FAM114A1: variants seen among roughly 807,000 people sequenced by gnomAD.
FAM114A1 encodes the protein family with sequence similarity 114 member A1, also known as protein NOXP20.
Under a neutral mutation model 64.3 loss-of-function variants are expected in FAM114A1, and 62 were observed. The ratio of observed to expected loss-of-function variants is 0.96; its 90% CI spans 0.79 to 1.19. FAM114A1 has a LOEUF of 1.19. FAM114A1 is among the 50% of genes most tolerant of loss of function. FAM114A1 has a pLI of 0.00. For missense variants in FAM114A1, 645 were observed against 676.3 expected (o/e 0.95, Z 0.51); for synonymous variants, 254 against 251.1 (o/e 1.01, Z -0.11).
In FAM114A1 at chr4:38,922,890, C is replaced by A. The variant is rs765085435; in HGVS notation, c.1066C>A (p.Gln356Lys). Residue 356 changes from glutamine (Q) to lysine (K), a missense_variant, in exon 9 of 15, where the codon CAA becomes AAA. Gln to Lys is a moderately conservative substitution (Grantham distance 53). Coordinates refer to ENST00000358869, the MANE Select transcript of FAM114A1 (RefSeq NM_138389.4). Reference sequence around the variant, plus strand: ...AGAGAATGAAGAAAATCAAGAAGAACAAGGTAAAGGAAAATAACTTAAATA... The same window carrying A: ...AGAGAATGAAGAAAATCAAGAAGAAAAAGGTAAAGGAAAATAACTTAAATA... Reference protein sequence around the residue: ...ELENEENQEEQGLEEKGEEFA... With the variant: ...ELENEENQEEKGLEEKGEEFA... The A allele has an allele frequency of 6.2e-7, 1 of 1,607,374 alleles. No individual in the cohort carries two copies.
intron 8 of FAM114A1, among the ~76,000 whole-genome samples, chr4:38,922,055 C>T (rs1719647731): frequency 6.6e-6 from 1 of 152,186 alleles, no homozygotes; most frequent in Admixed American, 6.5e-5. Context: ...GATTCTCCTG[C>T]CTCAGCCTCC....
intron 14 of FAM114A1, among the ~76,000 whole-genome samples, chr4:38,941,404 C>G (rs1721569068): frequency 6.6e-6 from 1 of 152,156 alleles, no homozygotes; most frequent in African/African-American, 2.4e-5. Flanking sequence ...TTTAGAATAA[C>G]CTTTGGTTTA....
intron 6 of FAM114A1, among the ~76,000 whole-genome samples, chr4:38,907,724 A>G (rs750103010): frequency 6.6e-6 from 1 of 152,206 alleles, no homozygotes; most frequent in African/African-American, 2.4e-5. Context: ...TGGAAAATGC[A>G]TATCAGTAAT....
chr4:38,939,524 G>A (rs556563529), intron 13 of FAM114A1, among the ~76,000 whole-genome samples: 74 of 152,150 alleles, frequency 4.9e-4, no homozygotes, highest in African/African-American at 1.6e-3. Context: ...AAACATGAAA[G>A]CAAATACCAT....
chr4:38,877,292 A>G (rs141345368), intron 2 of FAM114A1, among the ~76,000 whole-genome samples: 30 of 152,208 alleles, frequency 2.0e-4, no homozygotes, highest in African/African-American at 6.0e-4. Context: ...TAATTATACA[A>G]CTCACCACAA....
At chr4:38,901,145 G>C (rs1000909759) in intron 4 of FAM114A1, among the ~76,000 whole-genome samples, 5 of 152,102 alleles carry the variant, frequency 3.3e-5, no homozygotes, top group Non-Finnish European at 5.9e-5. Context: ...AGTTAGCGTG[G>C]GCCCTTCTCG....
intron 13 of FAM114A1, among the ~76,000 whole-genome samples, chr4:38,940,614 T>G: frequency 6.6e-6 from 1 of 152,226 alleles, no homozygotes; most frequent in East Asian, 1.9e-4. Flanking sequence ...TCAACCTGCC[T>G]CACTTCACTC....
chr4:38,942,504 T>C (rs987676812), intron 14 of FAM114A1, among the ~76,000 whole-genome samples: 2 of 152,174 alleles, frequency 1.3e-5, no homozygotes, highest in Non-Finnish European at 2.9e-5. Context: ...TAAAATTAAC[T>C]TACCATGTCA....
At chr4:38,899,789 T>A (rs1045243073) in intron 4 of FAM114A1, among the ~76,000 whole-genome samples, 1 of 152,228 alleles carries the variant, frequency 6.6e-6, no homozygotes, top group Non-Finnish European at 1.5e-5. Context: ...TATGTAACTA[T>A]GTAGGAGTTG....
At chr4:38,896,111 C>A (rs1716912291) in intron 4 of FAM114A1, among the ~76,000 whole-genome samples, 1 of 152,022 alleles carries the variant, frequency 6.6e-6, no homozygotes, top group Admixed American at 6.6e-5. Flanking sequence ...CTCTTGTTTG[C>A]ATACAAAATG....
intron 10 of FAM114A1, among the ~76,000 whole-genome samples, chr4:38,930,024 A>T (rs530931804): frequency 4.6e-5 from 7 of 152,140 alleles, no homozygotes; most frequent in African/African-American, 1.4e-4. Context: ...CTTTTTTCAA[A>T]TTTCACCCCG....
rs763008116 is a variant in FAM114A1 at position 38,878,211 on chromosome 4, C to A, written c.133C>A (p.Pro45Thr). ...AGCTGCAGTTTCACATGAGCCAACA[C>A]CAGCTGACCCCAGAGGGGAGGGGCA... ...DSAAVSHEPT[P>T]ADPRGEGHEN... is the part of the protein sequence containing the mutation. The change falls in exon 3 of 15, where the codon CCA becomes ACA. Residue 45 changes from proline (P) to threonine (T), a missense_variant. Pro to Thr is a conservative substitution (Grantham distance 38). Coordinates refer to ENST00000358869, the MANE Select transcript of FAM114A1 (RefSeq NM_138389.4). 6.2e-7 allele frequency: 1 copy of A among 1,614,220 alleles called. No homozygotes were observed. The highest frequency in any genetic ancestry group is 1.7e-5 in the Admixed American group (1 of 60,022).
chr4:38,905,799 A>G lies in FAM114A1; in HGVS notation c.595A>G (p.Thr199Ala). ...TCAGGGCCCTGCAGAAAGCCCACCC[A>G]CTTCCCCTTCATCAGCCTCTCGGGG... is the stretch of plus-strand genomic sequence containing the variant. ...TDQGPAESPP[T>A]SPSSASRGML... The change falls in exon 6 of 15, where the codon ACT becomes GCT. Residue 199 changes from threonine to alanine, a missense_variant. Coordinates refer to ENST00000358869, the MANE Select transcript of FAM114A1 (RefSeq NM_138389.4). 1 of 1,613,548 alleles carries G rather than the reference A, an allele frequency of 6.2e-7. No individual in the cohort carries two copies. The highest frequency in any genetic ancestry group is 8.5e-7 in the Non-Finnish European group (1 of 1,179,826).
chr4:38,870,234 C>T (rs895627792), intron 2 of FAM114A1, among the ~76,000 whole-genome samples: 2 of 152,352 alleles, frequency 1.3e-5, no homozygotes, highest in South Asian at 4.1e-4. Context: ...TGAATCACTA[C>T]AGTCCATCGC....
In FAM114A1 at chr4:38,905,866, G is replaced by T; in HGVS notation, c.657+5G>T. The stretch of plus-strand genomic sequence containing the variant: ...ACCAATGTGGTTCAAAACACAGTGA[G>T]TCGCTGGCTGCTTCCTCTCTTTCCC... On this transcript the variant is annotated splice_donor_5th_base_variant and intron_variant, in intron 6 of 14. Coordinates refer to ENST00000358869, the MANE Select transcript of FAM114A1 (RefSeq NM_138389.4). 6.2e-7 allele frequency: 1 copy of T among 1,605,378 alleles called. No individual in the cohort carries two copies. Among genetic ancestry groups the T allele is most frequent in the Non-Finnish European group, 8.5e-7 (1 of 1,177,474 alleles).
intron 13 of FAM114A1, chr4:38,938,741 G>C (rs918199379): frequency 6.6e-6 from 1 of 152,086 alleles, no homozygotes; most frequent in Admixed American, 6.5e-5. Context: ...GGCCTAGAGG[G>C]GTGAATTGAT....
intron 12 of FAM114A1, among the ~76,000 whole-genome samples, chr4:38,935,151 C>T (rs973591075): frequency 1.2e-4 from 18 of 152,092 alleles, no homozygotes; most frequent in South Asian, 2.1e-4. Context: ...TCCTGACCTC[C>T]GGTGATCCAC....
intron 14 of FAM114A1, among the ~76,000 whole-genome samples, chr4:38,942,899 T>C (rs991088591): frequency 2.6e-5 from 4 of 151,058 alleles, no homozygotes; most frequent in African/African-American, 9.8e-5. Context: ...GTACACACAC[T>C]GATGGATCTT....
intron 7 of FAM114A1, 123 bp downstream of exon 7, chr4:38,908,849 G>C (rs1207827898): frequency 1.4e-5 from 15 of 1,044,740 alleles, no homozygotes; most frequent in Non-Finnish European, 1.8e-5. Flanking sequence ...AAAGAGCAGA[G>C]AGAGAAAACT....
Sources: allele counts gnomAD v4.1 joint callset (sites outside exome capture counted in the v4.1 genomes callset), GRCh38; gene constraint gnomAD v4.1.1; transcripts MANE v1.5; gene names NCBI Gene and HGNC (gene_info 2026-07-23, HGNC 2026-07-21).